ZBTB20: variants seen among roughly 807,000 people sequenced by gnomAD.
ZBTB20 encodes the protein zinc finger and BTB domain containing 20.
A neutral mutation model predicts 56.9 loss-of-function variants in ZBTB20; 9 were observed. The observed-to-expected ratio is 0.16, with a 90% confidence interval of 0.10 to 0.28. The LOEUF is 0.28. Ranked by LOEUF, ZBTB20 falls within the 10% of genes least tolerant of loss-of-function variation. The probability of loss-of-function intolerance (pLI) is 1.00; values close to 1 mark genes in which losing one functional copy is unlikely to be tolerated. For missense variants in ZBTB20, 655 were observed against 1,003.0 expected, an observed-to-expected ratio of 0.65 and a Z score of 4.69; for synonymous variants, 417 against 420.7, an observed-to-expected ratio of 0.99 and a Z score of 0.11.
intron 4 of ZBTB20, among the ~76,000 whole-genome samples, chr3:114,880,003 G>A (rs1261273913): frequency 6.6e-6 from 1 of 152,140 alleles, no homozygotes; most frequent in African/African-American, 2.4e-5. Flanking sequence ...TTAAAAATTA[G>A]CAGTTTCTAA....
chr3:115,057,213 A>G (rs1051340191), intron 2 of ZBTB20, among the ~76,000 whole-genome samples: 4 of 152,020 alleles, frequency 2.6e-5, no homozygotes, highest in Non-Finnish European at 5.9e-5. Context: ...GAAAGTTTAA[A>G]TCCATTAACT....
intron 6 of ZBTB20, among the ~76,000 whole-genome samples, chr3:114,640,923 T>C (rs1239253390): frequency 6.6e-6 from 1 of 152,050 alleles, no homozygotes; most frequent in Admixed American, 6.6e-5. Context: ...ACGTATGCCC[T>C]TAAGATTTGT....
chr3:114,417,600 T>C (rs1037381882), intron 7 of ZBTB20, among the ~76,000 whole-genome samples: 2 of 152,102 alleles, frequency 1.3e-5, no homozygotes, highest in Admixed American at 1.3e-4. Flanking sequence ...TTCTGCAGTG[T>C]TCAATTTTTG....
intron 7 of ZBTB20, among the ~76,000 whole-genome samples, chr3:114,481,413 A>G (rs962842185): frequency 6.6e-6 from 1 of 152,212 alleles, no homozygotes; most frequent in Non-Finnish European, 1.5e-5. Context: ...ATGTTTCTAC[A>G]TAAGGAGTGT....
intron 7 of ZBTB20, among the ~76,000 whole-genome samples, chr3:114,397,755 G>A (rs2086460000): frequency 6.6e-6 from 1 of 152,248 alleles, no homozygotes; most frequent in Middle Eastern, 3.4e-3. Flanking sequence ...AGTGTACACA[G>A]GATATTAAGG....
chr3:114,654,546 A>T (rs78502125), intron 6 of ZBTB20, among the ~76,000 whole-genome samples: 6,910 of 152,100 alleles, frequency 0.045, 195 homozygotes, highest in Non-Finnish European at 0.068. Context: ...ATTAGGGTCT[A>T]CTTTAATAAA....
At chr3:114,875,841 C>A (rs1358951536) in intron 4 of ZBTB20, among the ~76,000 whole-genome samples, 1 of 152,120 alleles carries the variant, frequency 6.6e-6, no homozygotes, top group East Asian at 1.9e-4. Context: ...TTGTGAACTG[C>A]AAGACACTTT....
At chr3:114,844,534 A>AAAAAAC (rs1560313144) in intron 4 of ZBTB20, among the ~76,000 whole-genome samples, 8 of 140,232 alleles carry the variant, frequency 5.7e-5, no homozygotes, top group Non-Finnish European at 9.2e-5. Flanking sequence ...AAAAAAAAAA[A>AAAAAAC]AAAAAAAAAA....
chr3:115,069,359 G>A (rs1054071727), intron 2 of ZBTB20, among the ~76,000 whole-genome samples: 4 of 152,014 alleles, frequency 2.6e-5, no homozygotes, highest in Non-Finnish European at 4.4e-5. Context: ...CTGAGTGTTC[G>A]TTTAAGTCAG....
At chr3:114,419,051 T>C (rs1261060455) in intron 7 of ZBTB20, 1 of 152,096 alleles carries the variant, frequency 6.6e-6, no homozygotes, top group Non-Finnish European at 1.5e-5. Flanking sequence ...AGAATCAAAC[T>C]CTGTAATTAA....
chr3:114,665,500 C>T (rs1236798490), intron 6 of ZBTB20, among the ~76,000 whole-genome samples: 2 of 151,972 alleles, frequency 1.3e-5, no homozygotes, highest in Non-Finnish European at 2.9e-5. Flanking sequence ...AGGAAAGGGA[C>T]TTAAAGGCTA....
Position 114,358,733 on chromosome 3 carries a change from T to G in ZBTB20, c.200-6855A>C, listed in dbSNP as rs180993180. Among the ~76,000 whole-genome samples, 113 of 152,338 alleles carry G rather than the reference T, an allele frequency of 7.4e-4. 2 individuals carry two copies. The East Asian group carries it at 0.021, about 28-fold the overall frequency. ...ACCAATTCATTAGTGAAACATTTAC[T>G]GAGAATACCCCAGTATAAATGGAAC... is the stretch of plus-strand genomic sequence containing the variant. On this transcript the variant is annotated intron_variant, in intron 10 of 11. Transcript: ENST00000675478.
At chr3:115,079,264 G>A (rs1296792786) in intron 1 of ZBTB20, among the ~76,000 whole-genome samples, 1 of 152,082 alleles carries the variant, frequency 6.6e-6, no homozygotes, top group African/African-American at 2.4e-5. Context: ...TTACTCTCCA[G>A]GGCTAATGAG....
chr3:114,577,709 G>A (rs2054229803), intron 6 of ZBTB20, among the ~76,000 whole-genome samples: 2 of 152,170 alleles, frequency 1.3e-5, no homozygotes, highest in Admixed American at 1.3e-4. Context: ...CAAAAATTTG[G>A]CCAACTACTG....
At position 114,480,949 on chromosome 3, in the gene ZBTB20, T is replaced by A. The variant is rs114491673; in HGVS notation, c.-255+19403A>T. Among the ~76,000 whole-genome samples, 1,042 of 152,222 alleles carry A rather than the reference T, an allele frequency of 6.8e-3. 13 individuals are homozygous for A. The highest frequency in any genetic ancestry group is 0.024 in the African/African-American group (998 of 41,536). ...AATTATTAGATCATAAAGGACAAGT[T>A]TAGGAATATTGTTTCTAGCATACTA... On this transcript the variant is annotated intron_variant, in intron 7 of 11. Coordinates refer to ENST00000675478, the MANE Select transcript of ZBTB20 (RefSeq NM_001348800.3).
chr3:114,987,496 C>A (rs1333075064), intron 2 of ZBTB20, among the ~76,000 whole-genome samples: 2 of 152,114 alleles, frequency 1.3e-5, no homozygotes, highest in African/African-American at 2.4e-5. Context: ...GGAGAAATCA[C>A]AAAACGTTGC....
In ZBTB20 at chr3:114,404,715, G is replaced by C. The variant is rs2087140116; in HGVS notation, c.-254-15610C>G. On this transcript the variant is annotated intron_variant, in intron 7 of 11. Coordinates refer to ENST00000675478, the MANE Select transcript of ZBTB20 (RefSeq NM_001348800.3). ...GCCGAGCTAGCTTTACATAAACAAA[G>C]GAGCTACACAGAAAACCCAATACCC... 2.0e-5 allele frequency among the ~76,000 whole-genome samples: 3 copies of C among 152,158 alleles called. No individual in the cohort carries two copies. The South Asian group carries it at 6.2e-4, about 32-fold the overall frequency.
chr3:114,537,853 A>T (rs1408520203), intron 6 of ZBTB20, among the ~76,000 whole-genome samples: 2 of 152,062 alleles, frequency 1.3e-5, no homozygotes, highest in Admixed American at 6.6e-5. Context: ...GAAACTGGAA[A>T]CCATCGTTCT....
chr3:114,906,402 T>C (rs1055996803), intron 3 of ZBTB20, among the ~76,000 whole-genome samples: 1 of 151,692 alleles, frequency 6.6e-6, no homozygotes, highest in Non-Finnish European at 1.5e-5. Context: ...GATGAAGGTA[T>C]AGTACCTAGA....
Sources: gnomAD v4.1 joint callset for allele counts (sites outside exome capture counted in the v4.1 genomes callset) on GRCh38, gnomAD v4.1.1 for gene constraint, MANE v1.5 for transcripts, NCBI Gene and HGNC (gene_info 2026-07-23, HGNC 2026-07-21) for gene names.